The following GPBP1 variants were observed in gnomAD, a reference collection of about 807,000 sequenced individuals.
The protein encoded by GPBP1 is GC-rich promoter binding protein 1.
A neutral mutation model predicts 56.5 loss-of-function variants in GPBP1; 13 were observed. The observed-to-expected ratio is 0.23, with a 90% CI of 0.15 to 0.37. GPBP1 has a LOEUF of 0.37. Ranked by LOEUF, GPBP1 falls within the 10% of genes least tolerant of loss-of-function variation. GPBP1 has a pLI of 1.00. For synonymous variants in GPBP1, 204 were observed against 188.9 expected (o/e 1.08, Z -0.66); for missense variants, 477 against 572.3 (o/e 0.83, Z 1.70).
At position 57,246,476 on chromosome 5, in the gene GPBP1, C is replaced by T. The variant is rs1191884252; in HGVS notation, c.655C>T (p.Pro219Ser). ...KGLVPKPAAP[P>S]TKPTQWKSQT... ...TTTAGTCCCTAAACCTGCTGCTCCA[C>T]CTACAAAAGTAAGTTCTAAATTACC... The change falls in exon 7 of 12, where the codon CCT becomes TCT. Residue 219 changes from proline to serine, a missense_variant. Pro to Ser is a moderately conservative substitution (Grantham distance 74). Transcript: ENST00000506184. 2 of 1,591,210 alleles carry T rather than the reference C, an allele frequency of 1.3e-6. No homozygotes were observed. Among genetic ancestry groups the T allele is most frequent in the South Asian group, 1.1e-5 (1 of 88,260 alleles).
At chr5:57,179,367 G>C (rs1753938070) in intron 2 of GPBP1, among the ~76,000 whole-genome samples, 1 of 129,412 alleles carries the variant, frequency 7.7e-6, no homozygotes, top group Non-Finnish European at 1.8e-5. Flanking sequence ...GTGTGTGTTT[G>C]AGACAGGGTC....
intron 6 of GPBP1, among the ~76,000 whole-genome samples, chr5:57,236,511 G>A (rs1326769116): frequency 6.6e-6 from 1 of 151,960 alleles, no homozygotes. Context: ...GTATAAATTT[G>A]CTTGTGGAGC....
At position 57,248,317 on chromosome 5, in the gene GPBP1, CAG is replaced by C. The variant is rs924520086; in HGVS notation, c.805-1091_805-1090del. ...GATCAAGGTTTTGAAACTCCCAGAA[CAG>C]GGAGTTCTCTGACCAGTCTAGTGTC... On this transcript the variant is annotated intron_variant, in intron 8 of 11. Transcript: ENST00000506184. Among the ~76,000 whole-genome samples, 7 of 151,760 alleles carry C rather than the reference CAG, an allele frequency of 4.6e-5. No individual in the cohort carries two copies. The East Asian group carries it at 9.6e-4, about 21-fold the overall frequency.
intron 3 of GPBP1, among the ~76,000 whole-genome samples, chr5:57,229,513 TTCTC>T (rs1317921632): frequency 6.6e-6 from 1 of 151,762 alleles, no homozygotes; most frequent in African/African-American, 2.4e-5. Flanking sequence ...TCCTTTTTCT[TTCTC>T]TTTCCCTTTC....
chr5:57,240,103 T>A (rs1406342685), intron 6 of GPBP1, among the ~76,000 whole-genome samples: 1 of 151,942 alleles, frequency 6.6e-6, no homozygotes, highest in Admixed American at 6.6e-5. Context: ...AATAAAAAAT[T>A]AACTGGACGT....
intron 2 of GPBP1, among the ~76,000 whole-genome samples, chr5:57,203,666 TAGAA>T (rs1193683198): frequency 6.6e-6 from 1 of 151,992 alleles, no homozygotes; most frequent in African/African-American, 2.4e-5. Context: ...AAAAAGAGCA[TAGAA>T]AGGTGCTGAC....
chr5:57,208,655 CTT>C (rs70999065), intron 2 of GPBP1, among the ~76,000 whole-genome samples: 4,610 of 119,034 alleles, frequency 0.039, 84 homozygotes, highest in African/African-American at 0.073. Flanking sequence ...TTTTGTTTTT[CTT>C]TTTTTTTTTT....
intron 3 of GPBP1, among the ~76,000 whole-genome samples, chr5:57,227,102 G>T (rs956906683): frequency 6.6e-6 from 1 of 151,978 alleles, no homozygotes; most frequent in Non-Finnish European, 1.5e-5. Flanking sequence ...GCTCAGGCTG[G>T]AGTGCAGTGG....
At position 57,251,158 on chromosome 5, in the gene GPBP1, A is replaced by G. The variant is rs768765925; in HGVS notation, c.1160+17A>G. 1.9e-6 allele frequency: 3 copies of G among 1,562,616 alleles called. No individual in the cohort carries two copies. The South Asian group carries it at 3.6e-5, about 19-fold the overall frequency. On this transcript the variant is annotated intron_variant, in intron 10 of 11. Coordinates refer to ENST00000506184, the MANE Select transcript of GPBP1 (RefSeq NM_022913.4). Reference sequence around the variant, plus strand: ...AGAACACAGGCTAGTATTTGTTTGTACTTTTTGCTCAGCATTTTCTGTATT... The same window carrying G: ...AGAACACAGGCTAGTATTTGTTTGTGCTTTTTGCTCAGCATTTTCTGTATT...
intron 6 of GPBP1, among the ~76,000 whole-genome samples, chr5:57,241,506 A>T (rs897319680): frequency 2.2e-4 from 34 of 152,174 alleles, no homozygotes; most frequent in Non-Finnish European, 4.4e-4. Context: ...TGGGAAGATC[A>T]GTTGAAGCCA....
chr5:57,178,495 C>G (rs1007118368), intron 2 of GPBP1, among the ~76,000 whole-genome samples: 12 of 152,186 alleles, frequency 7.9e-5, no homozygotes, highest in African/African-American at 2.9e-4. Flanking sequence ...ATTCACCTGC[C>G]TCCACTTCCC....
chr5:57,243,288 A>T (rs1740920265), intron 6 of GPBP1, among the ~76,000 whole-genome samples: 3 of 152,046 alleles, frequency 2.0e-5, no homozygotes, highest in Admixed American at 2.0e-4. Flanking sequence ...GCTGGTCTTG[A>T]ACTCCTGACC....
intron 3 of GPBP1, among the ~76,000 whole-genome samples, chr5:57,218,757 G>A (rs552744380): frequency 4.6e-5 from 7 of 152,226 alleles, no homozygotes; most frequent in South Asian, 2.1e-4. Flanking sequence ...GAGCCACCAC[G>A]CTCGAGCCAG....
intron 8 of GPBP1, 185 bp from the exon 9 acceptor site, chr5:57,249,222 GAA>G: frequency 2.2e-6 from 1 of 464,016 alleles, no homozygotes; most frequent in Non-Finnish European, 3.8e-6. Context: ...TGTGGGATAA[GAA>G]AATTATTTTG....
At chr5:57,235,243 G>T (rs1320700836) in intron 5 of GPBP1, among the ~76,000 whole-genome samples, 1 of 151,850 alleles carries the variant, frequency 6.6e-6, no homozygotes, top group Non-Finnish European at 1.5e-5. Context: ...GGAGGCGGAG[G>T]TTCCAGTGAG....
At chr5:57,250,658 A>G (rs1342462049) in intron 9 of GPBP1, among the ~76,000 whole-genome samples, 3 of 150,340 alleles carry the variant, frequency 2.0e-5, no homozygotes, top group African/African-American at 4.9e-5. Context: ...TTCTCCTGCC[A>G]CAGCCTCCCA....
At chr5:57,231,440 ATT>A in intron 5 of GPBP1, 119 bp downstream of exon 5, 1 of 780,404 alleles carries the variant, frequency 1.3e-6, no homozygotes, top group Non-Finnish European at 2.0e-6. Context: ...GGCCCGCCTA[ATT>A]TTTATATTTT....
Position 57,247,108 on chromosome 5 carries a change from A to G in GPBP1, c.697A>G (p.Lys233Glu). ...TQWKSQTKEN[K>E]VGTSFPHEST... ...ATGGAAAAGCCAAACAAAAGAAAAT[A>G]AAGTTGGAACTTCTTTCCCTCATGA... The change falls in exon 8 of 12, where the codon AAA (lysine) becomes GAA (glutamate). Residue 233 changes from lysine (K) to glutamate (E), a missense_variant. Coordinates refer to ENST00000506184, the MANE Select transcript of GPBP1 (RefSeq NM_022913.4). 1 of 1,613,410 alleles carries G rather than the reference A, an allele frequency of 6.2e-7. No individual in the cohort carries two copies.
chr5:57,244,727 A>ATTTTTTTTTTTTTTTTT (rs532660984), intron 6 of GPBP1, among the ~76,000 whole-genome samples: 1 of 93,164 alleles, frequency 1.1e-5, no homozygotes, highest in African/African-American at 4.4e-5. Flanking sequence ...TTTGTTTGAG[A>ATTTTTTTTTTTTTTTTT]TTTTTTTTTT....
Sources: allele counts gnomAD v4.1 joint callset (sites outside exome capture counted in the v4.1 genomes callset), GRCh38; gene constraint gnomAD v4.1.1; transcripts MANE v1.5; gene names NCBI Gene and HGNC (gene_info 2026-07-23, HGNC 2026-07-21).